Variants in ATP6V1A observed in about 807,000 individuals in gnomAD.
ATP6V1A encodes V-type proton ATPase catalytic subunit A.
In ATP6V1A, 18 loss-of-function variants were observed where a neutral mutation model predicts 70.1. The observed-to-expected ratio is 0.26, with a 90% CI of 0.18 to 0.38. The LOEUF (loss-of-function observed/expected upper bound fraction) is 0.38. Ranked by LOEUF, ATP6V1A falls within the 10% of genes least tolerant of loss-of-function variation. The pLI, the probability that ATP6V1A is intolerant of heterozygous loss-of-function variation, is 1.00. For missense variants in ATP6V1A, 424 were observed against 772.4 expected (o/e 0.55, Z 5.35); for synonymous variants, 232 against 253.8 (o/e 0.91, Z 0.82).
At chr3:113,797,990 G>A (rs1047819251) in intron 11 of ATP6V1A, among the ~76,000 whole-genome samples, 4 of 151,992 alleles carry the variant, frequency 2.6e-5, no homozygotes, top group Admixed American at 6.6e-5. Context: ...AAAATTAGCC[G>A]GGCCTGATGG....
At chr3:113,771,443 T>C (rs1220525745) in intron 1 of ATP6V1A, among the ~76,000 whole-genome samples, 28 of 144,910 alleles carry the variant, frequency 1.9e-4, no homozygotes, top group African/African-American at 7.0e-4. Flanking sequence ...TTTTTTTTTT[T>C]TTTTTTTTTT....
At chr3:113,808,481 A>G (rs958859451) in intron 14 of ATP6V1A, among the ~76,000 whole-genome samples, 1 of 151,692 alleles carries the variant, frequency 6.6e-6, no homozygotes, top group African/African-American at 2.4e-5. Flanking sequence ...TTTAGTAGAG[A>G]CAGGGTTTCA....
intron 14 of ATP6V1A, 49 bp from the exon 15 acceptor site, chr3:113,809,285 AT>A (rs1426985600): frequency 6.6e-7 from 1 of 1,524,900 alleles, no homozygotes; most frequent in Non-Finnish European, 9.0e-7. Flanking sequence ...AACATACGTA[AT>A]GAAAATTATT....
chr3:113,749,664 A>G (rs749863371), intron 1 of ATP6V1A, among the ~76,000 whole-genome samples: 1 of 152,106 alleles, frequency 6.6e-6, no homozygotes, highest in Non-Finnish European at 1.5e-5. Context: ...GCAAATCATA[A>G]AGCTCTCAGG....
At chr3:113,796,017 TG>T (rs1350092280) in intron 11 of ATP6V1A, 78 bp downstream of exon 11, 37 of 1,234,558 alleles carry the variant, frequency 3.0e-5, no homozygotes, top group Non-Finnish European at 4.2e-5. Context: ...TGCGATCTAA[TG>T]TAATCGTTGT....
At chr3:113,769,261 A>G (rs1478281950) in intron 1 of ATP6V1A, among the ~76,000 whole-genome samples, 2 of 152,380 alleles carry the variant, frequency 1.3e-5, no homozygotes, top group Non-Finnish European at 1.5e-5. Context: ...CTGACCAAAC[A>G]TAAAAATATT....
chr3:113,809,519 CT>C lies in ATP6V1A; in HGVS notation c.*95del. The C allele has an allele frequency of 8.6e-7, 1 of 1,160,108 alleles. No individual in the cohort carries two copies. Among genetic ancestry groups the C allele is most frequent in the Non-Finnish European group, 1.2e-6 (1 of 807,546 alleles). The allele number at this position is 1,160,108 out of a possible 1,614,324, so 71.9% of individuals were successfully genotyped here. On this transcript the variant is annotated 3_prime_UTR_variant, in exon 15 of 15. Transcript: ENST00000273398. Reference sequence around the variant, plus strand: ...ATTTCTCATCTCAAACCCTTTGCTTCTTTATTGTGCAGCTTTGAGACTAGTG... The same window carrying C: ...ATTTCTCATCTCAAACCCTTTGCTTCTTATTGTGCAGCTTTGAGACTAGTG...
intron 10 of ATP6V1A, 110 bp downstream of exon 10, chr3:113,795,314 CAGCGGTTCT>C: frequency 8.3e-7 from 1 of 1,211,964 alleles, no homozygotes; most frequent in Non-Finnish European, 1.1e-6. Flanking sequence ...CCGCTGGGAG[CAGCGGTTCT>C]TAAGGAGGGT....
chr3:113,795,997 GC>G (rs1709149964), intron 11 of ATP6V1A, 58 bp downstream of exon 11: 1 of 1,409,098 alleles, frequency 7.1e-7, no homozygotes, highest in South Asian at 1.3e-5. Context: ...TGCAGCCCCT[GC>G]TGTTCTAATG....
intron 8 of ATP6V1A, among the ~76,000 whole-genome samples, chr3:113,790,157 G>T: frequency 6.6e-6 from 1 of 151,736 alleles, no homozygotes; most frequent in African/African-American, 2.4e-5. Context: ...TTTAATCCCA[G>T]CTACTCGGGA....
chr3:113,784,308 T>C lies in ATP6V1A; in HGVS notation c.296T>C (p.Phe99Ser), dbSNP rs199687122. ...ELGPGIMGAI[F>S]DGIQRPLSDI... ...GGTCCTGGCATTATGGGAGCCATTT[T>C]TGATGGTATTCAAAGACCTTTGTCG... Residue 99 changes from phenylalanine to serine, a missense_variant, in exon 4 of 15, where the codon TTT becomes TCT. Phe to Ser is a radical substitution (Grantham distance 155, BLOSUM62 -2). Coordinates refer to ENST00000273398, the MANE Select transcript of ATP6V1A (RefSeq NM_001690.4). The C allele has an allele frequency of 3.7e-6, 6 of 1,614,182 alleles. No individual in the cohort carries two copies. The highest frequency in any genetic ancestry group is 5.1e-6 in the Non-Finnish European group (6 of 1,180,014).
intron 1 of ATP6V1A, among the ~76,000 whole-genome samples, chr3:113,776,309 G>A (rs1331843157): frequency 6.6e-6 from 1 of 152,172 alleles, no homozygotes; most frequent in Non-Finnish European, 1.5e-5. Context: ...GGTCAAGGCT[G>A]CAGTGAGCCG....
Position 113,789,769 on chromosome 3 carries a change from T to C in ATP6V1A, c.917T>C (p.Met306Thr). 1 of 1,613,164 alleles carries C rather than the reference T, an allele frequency of 6.2e-7. No individual in the cohort carries two copies. Among genetic ancestry groups the C allele is most frequent in the South Asian group, 1.1e-5 (1 of 91,052 alleles). Residue 306 changes from methionine (M) to threonine (T), a missense_variant, in exon 8 of 15, where the codon ATG becomes ACG. By Grantham distance (81) the Met-to-Thr change is moderately conservative. Transcript: ENST00000273398. ...GTTGATGGTAAGGTAGAGTCAATTATGAAGAGGACAGCTTTGGTAGCCAAT... is the reference window on the plus strand; with the variant it reads ...GTTGATGGTAAGGTAGAGTCAATTACGAAGAGGACAGCTTTGGTAGCCAAT... Reference protein sequence around the residue: ...MEVDGKVESIMKRTALVANTS... With the variant: ...MEVDGKVESITKRTALVANTS...
chr3:113,803,048 G>A (rs1176502488), intron 12 of ATP6V1A, among the ~76,000 whole-genome samples: 1 of 151,990 alleles, frequency 6.6e-6, no homozygotes, highest in Admixed American at 6.6e-5. Context: ...TAAACAAAAT[G>A]TGGTATATAT....
intron 1 of ATP6V1A, among the ~76,000 whole-genome samples, chr3:113,778,128 T>A (rs1173987952): frequency 6.6e-6 from 1 of 152,134 alleles, no homozygotes; most frequent in Non-Finnish European, 1.5e-5. Context: ...AGTGGCTGGC[T>A]CACGTCTGTA....
chr3:113,767,247 A>G (rs890584589), intron 1 of ATP6V1A, among the ~76,000 whole-genome samples: 61 of 152,012 alleles, frequency 4.0e-4, no homozygotes, highest in African/African-American at 1.3e-3. Context: ...ACACGCCGCC[A>G]TGCCCGGCTA....
intron 1 of ATP6V1A, among the ~76,000 whole-genome samples, chr3:113,777,893 A>G (rs189789221): frequency 6.6e-6 from 1 of 152,344 alleles, no homozygotes; most frequent in East Asian, 1.9e-4. Context: ...GTGTATCTGC[A>G]GCATGATTAA....
chr3:113,756,132 T>G (rs961522002), intron 1 of ATP6V1A, among the ~76,000 whole-genome samples: 8 of 152,194 alleles, frequency 5.3e-5, no homozygotes, highest in Admixed American at 4.6e-4. Context: ...ACGGGATGAT[T>G]AAATGTCCAA....
chr3:113,782,964 G>A (rs1315755818), intron 3 of ATP6V1A, among the ~76,000 whole-genome samples: 1 of 152,108 alleles, frequency 6.6e-6, no homozygotes, highest in East Asian at 1.9e-4. Context: ...AAATAGATAT[G>A]TGATAAATAT....
Sources: allele counts gnomAD v4.1 joint callset (sites outside exome capture counted in the v4.1 genomes callset), GRCh38; gene constraint gnomAD v4.1.1; transcripts MANE v1.5; gene names NCBI Gene and HGNC (gene_info 2026-07-23, HGNC 2026-07-21).